Variants in TAB2 observed in about 807,000 individuals in gnomAD.
TAB2 encodes the protein TGF-beta-activated kinase 1 and MAP3K7-binding protein 2.
In TAB2, 3 loss-of-function variants were observed where a neutral mutation model predicts 65.0. The ratio of observed to expected loss-of-function variants is 0.05; its 90% CI spans 0.02 to 0.12. The LOEUF (loss-of-function observed/expected upper bound fraction) is 0.12, where lower values mean the gene tolerates loss of function less well. TAB2 is among the 10% of genes least tolerant of loss of function. TAB2 has a pLI of 1.00. For missense variants in TAB2, 623 were observed against 840.3 expected (o/e 0.74, Z 3.20); for synonymous variants, 298 against 285.1 (o/e 1.05, Z -0.46).
At chr6:149,363,109 A>G (rs1331986539) in intron 1 of TAB2, among the ~76,000 whole-genome samples, 1 of 152,198 alleles carries the variant, frequency 6.6e-6, no homozygotes, top group Non-Finnish European at 1.5e-5. Context: ...TATCTAGGCT[A>G]ACAGTATTTA....
At chr6:149,222,819 C>G (rs975687509) in intron 1 of TAB2, among the ~76,000 whole-genome samples, 2 of 152,056 alleles carry the variant, frequency 1.3e-5, no homozygotes, top group African/African-American at 4.8e-5. Flanking sequence ...GTCTCTCTCT[C>G]AATCTCTCTC....
intron 1 of TAB2, among the ~76,000 whole-genome samples, chr6:149,322,314 T>A (rs764316462): frequency 6.6e-6 from 1 of 152,160 alleles, no homozygotes; most frequent in Non-Finnish European, 1.5e-5. Context: ...TGAACATTGC[T>A]TATTGAGCTT....
intron 1 of TAB2, among the ~76,000 whole-genome samples, chr6:149,323,866 ACTT>A (rs966078816): frequency 3.9e-5 from 6 of 152,206 alleles, no homozygotes; most frequent in Admixed American, 6.5e-5. Flanking sequence ...CCACAGTACT[ACTT>A]TAGAAATGAG....
intron 1 of TAB2, among the ~76,000 whole-genome samples, chr6:149,219,159 C>T (rs1461472312): frequency 1.3e-5 from 2 of 152,188 alleles, no homozygotes; most frequent in Non-Finnish European, 2.9e-5. Flanking sequence ...CAGAACACTT[C>T]CCAAAATTCA....
intron 1 of TAB2, among the ~76,000 whole-genome samples, chr6:149,357,482 G>A (rs1260868279): frequency 2.2e-5 from 3 of 138,118 alleles, no homozygotes; most frequent in African/African-American, 8.1e-5. Context: ...AGCCTTGATG[G>A]ATATAAAGTA....
chr6:149,249,172 A>ACACG (rs1777805804), intron 1 of TAB2, among the ~76,000 whole-genome samples: 4 of 7,816 alleles, frequency 5.1e-4, no homozygotes, highest in African/African-American at 2.9e-3. Flanking sequence ...ACACACACGC[A>ACACG]CACACACACA....
At chr6:149,268,054 A>G (rs1778295742) in intron 1 of TAB2, among the ~76,000 whole-genome samples, 1 of 152,218 alleles carries the variant, frequency 6.6e-6, no homozygotes, top group Non-Finnish European at 1.5e-5. Context: ...AATACCTCTT[A>G]GCCAATGTAC....
At chr6:149,381,915 A>AT (rs1391730181) in intron 3 of TAB2, among the ~76,000 whole-genome samples, 1 of 152,024 alleles carries the variant, frequency 6.6e-6, no homozygotes, top group African/African-American at 2.4e-5. Context: ...TGGTCTCAGC[A>AT]ATCATCACCT....
At chr6:149,220,624 C>T (rs1290098838) in intron 1 of TAB2, among the ~76,000 whole-genome samples, 2 of 152,066 alleles carry the variant, frequency 1.3e-5, no homozygotes, top group African/African-American at 4.8e-5. Flanking sequence ...TTTGATTGTT[C>T]ATTTGCTTTT....
At chr6:149,254,947 T>C (rs1777983612) in intron 1 of TAB2, among the ~76,000 whole-genome samples, 1 of 152,234 alleles carries the variant, frequency 6.6e-6, no homozygotes, top group Admixed American at 6.5e-5. Context: ...CTTTGGACTT[T>C]AGACCTTAAA....
At chr6:149,251,153 A>T (rs747333925) in intron 1 of TAB2, among the ~76,000 whole-genome samples, 19 of 152,242 alleles carry the variant, frequency 1.2e-4, no homozygotes, top group Non-Finnish European at 2.5e-4. Context: ...ATGCAGTACC[A>T]TAATCAACCG....
intron 1 of TAB2, among the ~76,000 whole-genome samples, chr6:149,238,984 A>T (rs1044505906): frequency 1.3e-5 from 2 of 152,160 alleles, no homozygotes; most frequent in African/African-American, 4.8e-5. Context: ...TCATATTCTG[A>T]TGACCAGTTT....
intron 1 of TAB2, among the ~76,000 whole-genome samples, chr6:149,264,508 G>A (rs529385898): frequency 2.0e-5 from 3 of 152,182 alleles, no homozygotes; most frequent in South Asian, 4.1e-4. Context: ...TGGGGCACCT[G>A]TAAAATGTTG....
intron 1 of TAB2, among the ~76,000 whole-genome samples, chr6:149,287,291 G>A (rs567959540): frequency 1.3e-5 from 2 of 152,252 alleles, no homozygotes; most frequent in South Asian, 4.1e-4. Context: ...CATTGAGCAT[G>A]TATTACTTTT....
At chr6:149,253,067 T>C (rs1777892972) in intron 1 of TAB2, 1 of 152,252 alleles carries the variant, frequency 6.6e-6, no homozygotes, top group African/African-American at 2.4e-5. Context: ...TTCACAGAAA[T>C]GGATTACACA....
intron 1 of TAB2, among the ~76,000 whole-genome samples, chr6:149,290,504 C>T (rs919062098): frequency 2.2e-4 from 34 of 152,206 alleles, no homozygotes; most frequent in South Asian, 4.1e-4. Context: ...AGGCAGAAAT[C>T]CTTGTCCCTT....
chr6:149,354,702 A>T (rs535095800), intron 1 of TAB2, among the ~76,000 whole-genome samples: 1 of 152,304 alleles, frequency 6.6e-6, no homozygotes, highest in South Asian at 2.1e-4. Context: ...ATGTAAGAGA[A>T]TACAGAACAC....
At chr6:149,290,150 C>G (rs1434146326) in intron 1 of TAB2, among the ~76,000 whole-genome samples, 2 of 152,142 alleles carry the variant, frequency 1.3e-5, no homozygotes, top group Non-Finnish European at 2.9e-5. Flanking sequence ...TAATGCTGGT[C>G]AGCTATGAGG....
intron 1 of TAB2, among the ~76,000 whole-genome samples, chr6:149,263,808 TC>T (rs1167010312): frequency 1.3e-5 from 2 of 152,228 alleles, no homozygotes; most frequent in African/African-American, 4.8e-5. Flanking sequence ...CCAGGAGGTC[TC>T]CCAAGCATTC....
Sources: allele counts gnomAD v4.1 joint callset (sites outside exome capture counted in the v4.1 genomes callset), GRCh38; gene constraint gnomAD v4.1.1; transcripts MANE v1.5; gene names NCBI Gene and HGNC (gene_info 2026-07-23, HGNC 2026-07-21).